The following LIMD1 variants were observed in gnomAD, a reference collection of about 807,000 sequenced individuals.
LIMD1 encodes LIM domain-containing protein 1.
LIMD1 carries 23 observed loss-of-function variants against 58.4 expected under a neutral mutation model. The observed-to-expected ratio is 0.39, with a 90% CI of 0.28 to 0.56. The LOEUF is 0.56. Ranked by LOEUF, LIMD1 falls within the 20% of genes least tolerant of loss-of-function variation. The probability of loss-of-function intolerance (pLI) is 0.57; values close to 1 mark genes in which losing one functional copy is unlikely to be tolerated. For synonymous variants in LIMD1, 334 were observed against 345.5 expected (o/e 0.97, Z 0.37); for missense variants, 838 against 855.5 (o/e 0.98, Z 0.25).
intron 1 of LIMD1, among the ~76,000 whole-genome samples, chr3:45,634,636 G>C (rs1701768346): frequency 6.6e-6 from 1 of 152,216 alleles, no homozygotes; most frequent in African/African-American, 2.4e-5. Context: ...GGCCACTGTT[G>C]TCCCCATTTT....
At chr3:45,615,948 A>G (rs1236480684) in intron 1 of LIMD1, among the ~76,000 whole-genome samples, 2 of 152,264 alleles carry the variant, frequency 1.3e-5, no homozygotes, top group South Asian at 4.1e-4. Flanking sequence ...TTAGTTTGAT[A>G]TAATACTATG....
At chr3:45,667,057 A>G (rs371319376) in intron 3 of LIMD1, among the ~76,000 whole-genome samples, 1 of 152,188 alleles carries the variant, frequency 6.6e-6, no homozygotes, top group African/African-American at 2.4e-5. Flanking sequence ...TTGGCCGTGT[A>G]TCTCAGTGTT....
At chr3:45,646,651 T>TA (rs1281409629) in intron 2 of LIMD1, among the ~76,000 whole-genome samples, 2 of 152,154 alleles carry the variant, frequency 1.3e-5, no homozygotes, top group Non-Finnish European at 2.9e-5. Context: ...AGCTTGTGGC[T>TA]ACTGTATTGG....
chr3:45,658,761 G>A (rs933938417), intron 2 of LIMD1, among the ~76,000 whole-genome samples: 2 of 151,500 alleles, frequency 1.3e-5, no homozygotes, highest in Non-Finnish European at 2.9e-5. Context: ...TTCCATGTTG[G>A]TCAGACTGGT....
chr3:45,668,828 A>C (rs1057163427), intron 4 of LIMD1, among the ~76,000 whole-genome samples: 1 of 151,874 alleles, frequency 6.6e-6, no homozygotes, highest in African/African-American at 2.4e-5. Flanking sequence ...TTTTATTGGA[A>C]TTAACATCTT....
In LIMD1 at chr3:45,668,354, A is replaced by G. The variant is rs759691180; in HGVS notation, c.1639A>G (p.Met547Val). ...CFLCGHLIMDMILQALGKSYH... is the reference protein window; with the variant it reads ...CFLCGHLIMDVILQALGKSYH... ...TCTTTGTGGACATCTGATCATGGAC[A>G]TGGTGAGTAGGTCAGCCAAAGAAGA... Residue 547 changes from methionine to valine, a missense_variant and splice_region_variant, in exon 4 of 8, where the codon ATG becomes GTG. Transcript: ENST00000273317. 4 of 1,612,256 alleles carry G rather than the reference A, an allele frequency of 2.5e-6. No individual in the cohort carries two copies. The South Asian group carries it at 3.3e-5, about 13-fold the overall frequency.
At chr3:45,672,858 A>G (rs1449165438) in intron 5 of LIMD1, 38 bp downstream of exon 5, 4 of 1,610,296 alleles carry the variant, frequency 2.5e-6, no homozygotes, top group Admixed American at 1.7e-5. Flanking sequence ...CCATTCGTGT[A>G]GGCCAAGCTG....
At chr3:45,605,317 ACC>A (rs1437439876) in intron 1 of LIMD1, among the ~76,000 whole-genome samples, 1 of 152,262 alleles carries the variant, frequency 6.6e-6, no homozygotes, top group African/African-American at 2.4e-5. Flanking sequence ...CCCTTTCCAG[ACC>A]TTTACGGAAT....
At chr3:45,651,399 G>A (rs9846540) in intron 2 of LIMD1, among the ~76,000 whole-genome samples, 43,136 of 152,040 alleles carry the variant, frequency 0.28, 6,650 homozygotes, top group East Asian at 0.54. Flanking sequence ...TAGTTATGAA[G>A]TCCTTGCCTG....
intron 2 of LIMD1, among the ~76,000 whole-genome samples, chr3:45,664,746 G>C (rs1238708455): frequency 1.3e-5 from 2 of 152,200 alleles, no homozygotes; most frequent in African/African-American, 4.8e-5. Flanking sequence ...TCGTCTGGCG[G>C]GTTTCTCTGT....
chr3:45,659,393 C>T (rs538855233), intron 2 of LIMD1, among the ~76,000 whole-genome samples: 257 of 152,208 alleles, frequency 1.7e-3, no homozygotes, highest in African/African-American at 5.7e-3. Flanking sequence ...GTTGACTAGC[C>T]TTAGACAACA....
At chr3:45,675,365 A>G (rs191287471) in intron 7 of LIMD1, among the ~76,000 whole-genome samples, 1 of 152,310 alleles carries the variant, frequency 6.6e-6, no homozygotes, top group Non-Finnish European at 1.5e-5. Flanking sequence ...ACCCATCTCT[A>G]CTAAAAATAC....
chr3:45,646,206 G>A (rs1207421557), intron 2 of LIMD1, among the ~76,000 whole-genome samples: 3 of 152,202 alleles, frequency 2.0e-5, no homozygotes, highest in Non-Finnish European at 4.4e-5. Flanking sequence ...GTGGGGAAGT[G>A]TGTTCGTGCC....
chr3:45,673,815 A>C, intron 6 of LIMD1: 1 of 382,730 alleles, frequency 2.6e-6, no homozygotes, highest in East Asian at 4.9e-5. Flanking sequence ...GCTTGAGCCC[A>C]AGAGTTTGAG....
At chr3:45,650,505 C>T (rs1323842513) in intron 2 of LIMD1, among the ~76,000 whole-genome samples, 2 of 123,868 alleles carry the variant, frequency 1.6e-5, no homozygotes. Context: ...CCCCCCCCAA[C>T]AGGCCCCAGT....
intron 1 of LIMD1, among the ~76,000 whole-genome samples, chr3:45,602,611 C>T (rs932708167): frequency 6.6e-6 from 1 of 152,192 alleles, no homozygotes; most frequent in Non-Finnish European, 1.5e-5. Context: ...GAGAATGGCC[C>T]TGCCCTGACC....
intron 1 of LIMD1, among the ~76,000 whole-genome samples, chr3:45,614,120 T>C (rs1287930598): frequency 1.3e-5 from 2 of 152,204 alleles, no homozygotes; most frequent in East Asian, 3.8e-4. Context: ...ATTCCTTTCT[T>C]GATAGTGATG....
intron 1 of LIMD1, among the ~76,000 whole-genome samples, chr3:45,616,989 T>G (rs1299894409): frequency 1.3e-5 from 2 of 150,024 alleles, no homozygotes; most frequent in Non-Finnish European, 3.0e-5. Context: ...CGCCTTGGCC[T>G]CCCAAAGTGC....
intron 1 of LIMD1, among the ~76,000 whole-genome samples, chr3:45,635,398 C>T (rs1701775701): frequency 6.6e-6 from 1 of 151,288 alleles, no homozygotes; most frequent in Non-Finnish European, 1.5e-5. Context: ...GTAGAATGTA[C>T]TAGGTAGGGG....
Sources: gnomAD v4.1 joint callset for allele counts (sites outside exome capture counted in the v4.1 genomes callset) on GRCh38, gnomAD v4.1.1 for gene constraint, MANE v1.5 for transcripts, NCBI Gene and HGNC (gene_info 2026-07-23, HGNC 2026-07-21) for gene names.